The following TBC1D32 variants were observed in gnomAD, a reference collection of about 807,000 sequenced individuals.
The protein encoded by TBC1D32 is protein broad-minded.
TBC1D32 carries 151 observed loss-of-function variants against 170.3 expected under a neutral mutation model. That is an observed-to-expected ratio of 0.89 (90% CI 0.78 to 1.01). The LOEUF is 1.01. TBC1D32 is among the 50% of genes least tolerant of loss of function. The pLI is 0.00. For missense variants in TBC1D32, 1,464 were observed against 1,457.1 expected (o/e 1.00, Z -0.08); for synonymous variants, 498 against 488.0 (o/e 1.02, Z -0.27).
At chr6:121,191,703 G>A (rs949325039) in intron 22 of TBC1D32, among the ~76,000 whole-genome samples, 2 of 152,114 alleles carry the variant, frequency 1.3e-5, no homozygotes, top group Non-Finnish European at 2.9e-5. Flanking sequence ...TTAATACTAA[G>A]TGTCAACTTG....
At chr6:121,092,447 T>C in intron 30 of TBC1D32, among the ~76,000 whole-genome samples, 1 of 151,994 alleles carries the variant, frequency 6.6e-6, no homozygotes, top group Non-Finnish European at 1.5e-5. Flanking sequence ...AAAAACATAT[T>C]CTTGAAAAGG....
intron 24 of TBC1D32, among the ~76,000 whole-genome samples, chr6:121,156,256 A>C (rs780576338): frequency 2.0e-5 from 3 of 151,820 alleles, no homozygotes; most frequent in Non-Finnish European, 2.9e-5. Context: ...TCATGTTTTC[A>C]GGAACTTATC....
chr6:121,296,741 AAAAAC>A (rs955426623), intron 10 of TBC1D32, among the ~76,000 whole-genome samples: 6 of 151,586 alleles, frequency 4.0e-5, no homozygotes, highest in African/African-American at 1.5e-4. Context: ...TTTTCTAACA[AAAAAC>A]AAAACAAAAC....
chr6:121,303,941 C>T (rs9320803), intron 8 of TBC1D32, among the ~76,000 whole-genome samples, 180 bp from the exon 9 acceptor site: 24,400 of 151,904 alleles, frequency 0.16, 2,645 homozygotes, highest in East Asian at 0.52. Context: ...TACTTCAACA[C>T]TGGATCTGTG....
chr6:121,303,552 T>G (rs2128478153), intron 9 of TBC1D32, 65 bp downstream of exon 9: 1 of 1,243,044 alleles, frequency 8.0e-7, no homozygotes, highest in South Asian at 2.5e-5. Flanking sequence ...ATTCAAACAT[T>G]AACTATTTAT....
intron 11 of TBC1D32, among the ~76,000 whole-genome samples, chr6:121,293,933 A>G (rs1340152580): frequency 6.6e-6 from 1 of 152,092 alleles, no homozygotes; most frequent in Admixed American, 6.6e-5. Context: ...AATAAAATAC[A>G]GTTTCTTCTT....
intron 12 of TBC1D32, among the ~76,000 whole-genome samples, chr6:121,289,722 G>C (rs533440104): frequency 6.6e-6 from 1 of 152,216 alleles, no homozygotes; most frequent in East Asian, 1.9e-4. Flanking sequence ...CAAAGCTGGA[G>C]GCATCAGGCT....
chr6:121,162,544 T>A (rs1785862320), intron 22 of TBC1D32, among the ~76,000 whole-genome samples: 1 of 152,150 alleles, frequency 6.6e-6, no homozygotes, highest in Non-Finnish European at 1.5e-5. Context: ...TATTGGAAAT[T>A]CTAGCCAGGG....
At chr6:121,296,158 T>G (rs1324490603) in intron 10 of TBC1D32, among the ~76,000 whole-genome samples, 2 of 152,198 alleles carry the variant, frequency 1.3e-5, no homozygotes, top group African/African-American at 4.8e-5. Context: ...TAAGCATGTC[T>G]TATGTGATTC....
intron 10 of TBC1D32, among the ~76,000 whole-genome samples, chr6:121,299,117 T>C (rs895018635): frequency 6.6e-6 from 1 of 152,096 alleles, no homozygotes; most frequent in Non-Finnish European, 1.5e-5. Flanking sequence ...ATTATAAAAG[T>C]AATGGCTTTA....
At chr6:121,156,648 A>G (rs149921138) in intron 24 of TBC1D32, among the ~76,000 whole-genome samples, 1,889 of 152,202 alleles carry the variant, frequency 0.012, 38 homozygotes, top group African/African-American at 0.043. Flanking sequence ...GATGAAAGCC[A>G]TAGGACTATA....
chr6:121,112,412 A>T (rs1779279295), intron 29 of TBC1D32, 93 bp downstream of exon 29: 2 of 1,139,798 alleles, frequency 1.8e-6, no homozygotes, highest in Admixed American at 2.7e-5. Context: ...ATTTATTACA[A>T]AGTCCTTCAC....
rs1157561661 is a variant in TBC1D32, at chr6:121,317,547, C to G, written c.443G>C (p.Ser148Thr). The G allele has an allele frequency of 6.2e-7, 1 of 1,612,636 alleles. No homozygotes were observed. Among genetic ancestry groups the G allele is most frequent in the African/African-American group, 1.3e-5 (1 of 74,842 alleles). ...GCAATTGTCTGTGCGGTAACTATGG[C>G]TTTTCTCCTTTTGGATTTTTTTCTG... ...ERQKKIQKEK[S>T]HSYRTDNCSD... is the part of the protein sequence containing the mutation. The change falls in exon 3 of 32, where the codon AGC becomes ACC. Residue 148 changes from serine (S) to threonine (T), a missense_variant. Physicochemically the swap from Ser to Thr is moderately conservative, Grantham distance 58 (BLOSUM62 1). Coordinates refer to ENST00000398212, the MANE Select transcript of TBC1D32 (RefSeq NM_152730.6).
At chr6:121,232,438 G>C (rs531394612) in intron 20 of TBC1D32, among the ~76,000 whole-genome samples, 1 of 151,982 alleles carries the variant, frequency 6.6e-6, no homozygotes. Flanking sequence ...TTTTAGGATT[G>C]TTTGTTCTAG....
At chr6:121,271,035 G>C (rs960364825) in intron 15 of TBC1D32, among the ~76,000 whole-genome samples, 2 of 152,126 alleles carry the variant, frequency 1.3e-5, no homozygotes, top group African/African-American at 4.8e-5. Flanking sequence ...AATAGATGCA[G>C]AAAAGGCCTT....
chr6:121,244,554 CTG>C (rs1797377407), intron 17 of TBC1D32, among the ~76,000 whole-genome samples: 1 of 152,090 alleles, frequency 6.6e-6, no homozygotes, highest in Non-Finnish European at 1.5e-5. Context: ...CTCTGCTGTG[CTG>C]TGTTTTTAGT....
chr6:121,139,690 A>G (rs1185511002), intron 24 of TBC1D32: 1 of 152,208 alleles, frequency 6.6e-6, no homozygotes, highest in African/African-American at 2.4e-5. Context: ...TAATGCAAAA[A>G]AAACCTTAAT....
intron 17 of TBC1D32, among the ~76,000 whole-genome samples, chr6:121,247,100 A>G (rs1283839105): frequency 6.6e-6 from 1 of 152,054 alleles, no homozygotes; most frequent in Non-Finnish European, 1.5e-5. Flanking sequence ...GTAAAAGAAA[A>G]CCTATCAGAC....
At chr6:121,162,817 G>A (rs7763675) in intron 22 of TBC1D32, among the ~76,000 whole-genome samples, 1 of 83,452 alleles carries the variant, frequency 1.2e-5, no homozygotes, top group Admixed American at 1.4e-4. Context: ...GGTACCGGGT[G>A]CATCTCACTA....
Sources: gnomAD v4.1 joint callset for allele counts (sites outside exome capture counted in the v4.1 genomes callset) on GRCh38, gnomAD v4.1.1 for gene constraint, MANE v1.5 for transcripts, NCBI Gene and HGNC (gene_info 2026-07-23, HGNC 2026-07-21) for gene names.